EGF: variants seen among roughly 807,000 people sequenced by gnomAD.
The protein encoded by EGF is pro-epidermal growth factor.
EGF carries 95 observed loss-of-function variants against 143.8 expected under a neutral mutation model. The ratio of observed to expected loss-of-function variants is 0.66; its 90% CI spans 0.56 to 0.78. The LOEUF (loss-of-function observed/expected upper bound fraction) is 0.78. Ranked by LOEUF, EGF falls within the 30% of genes least tolerant of loss-of-function variation. EGF has a pLI of 0.00. For missense variants in EGF, 1,320 were observed against 1,470.9 expected (o/e 0.90, Z 1.68); for synonymous variants, 510 against 510.5 (o/e 1.00, Z 0.01).
At chr4:109,928,700 A>G (rs561774415) in intron 1 of EGF, among the ~76,000 whole-genome samples, 1 of 152,090 alleles carries the variant, frequency 6.6e-6, no homozygotes, top group South Asian at 2.1e-4. Flanking sequence ...AGGGTCTGCT[A>G]TTTGTCGTGT....
intron 1 of EGF, among the ~76,000 whole-genome samples, chr4:109,935,994 G>T (rs2125988497): frequency 6.6e-6 from 1 of 152,204 alleles, no homozygotes; most frequent in South Asian, 2.1e-4. Context: ...AGGGATATTG[G>T]CCTAAAATTC....
At chr4:109,965,944 A>C (rs1038143490) in intron 10 of EGF, among the ~76,000 whole-genome samples, 1 of 152,112 alleles carries the variant, frequency 6.6e-6, no homozygotes. Flanking sequence ...GAATAGTCTC[A>C]TTATTGATTG....
At chr4:109,938,690 A>T (rs1461562760) in intron 1 of EGF, among the ~76,000 whole-genome samples, 1 of 152,176 alleles carries the variant, frequency 6.6e-6, no homozygotes, top group South Asian at 2.1e-4. Context: ...TGACCTACGG[A>T]TGGGGTTTTG....
chr4:109,993,081 G>T lies in EGF; in HGVS notation c.2735-166G>T, dbSNP rs568197972. ...CTGCACCTTGTGCATGTGAACCCTA[G>T]AACTTTAAGTATAATAAAAAATATA... is the stretch of plus-strand genomic sequence containing the variant. On this transcript the variant is annotated intron_variant, in intron 18 of 23. Transcript: ENST00000265171. Among the ~76,000 whole-genome samples the T allele has an allele frequency of 9.7e-4, 148 of 152,076 alleles. 1 individual carries two copies. Among genetic ancestry groups the T allele is most frequent in the Non-Finnish European group, 1.8e-3 (124 of 67,992 alleles).
intron 1 of EGF, among the ~76,000 whole-genome samples, chr4:109,937,195 G>A (rs1740979880): frequency 6.6e-6 from 1 of 152,072 alleles, no homozygotes; most frequent in South Asian, 2.1e-4. Context: ...CTAAGAACTT[G>A]CTTTATGAAT....
rs780166532 is a variant in EGF, at chr4:109,988,623, CT to C, written c.2649del (p.Ala884ProfsTer66). The C allele has an allele frequency of 1.9e-6, 3 of 1,614,106 alleles. No individual in the cohort carries two copies. The highest frequency in any genetic ancestry group is 1.1e-5 in the South Asian group (1 of 91,088). ...ECEMGVPVCP[P>X]ASSKCINTEG... ...GAGATGGGTGTCCCAGTGTGCCCCC[CT>C]GCCTCCTCCAAGTGCATCAACACCG... On this transcript the variant is annotated frameshift_variant, in exon 18 of 24. Transcript: ENST00000265171. LOFTEE classifies it high-confidence loss of function.
intron 1 of EGF, among the ~76,000 whole-genome samples, chr4:109,916,907 T>G (rs1408055364): frequency 6.6e-6 from 1 of 152,156 alleles, no homozygotes; most frequent in Admixed American, 6.6e-5. Context: ...TCAAAATAAT[T>G]TAAAAATACA....
intron 16 of EGF, among the ~76,000 whole-genome samples, chr4:109,985,070 T>C (rs1749939393): frequency 6.6e-6 from 1 of 152,176 alleles, no homozygotes; most frequent in Non-Finnish European, 1.5e-5. Flanking sequence ...AGAGCATATT[T>C]TGAAAGACTA....
chr4:109,953,552 G>C (rs1276889082), intron 5 of EGF, among the ~76,000 whole-genome samples: 8 of 152,136 alleles, frequency 5.3e-5, no homozygotes, highest in Non-Finnish European at 1.2e-4. Context: ...TAACCTTCCA[G>C]TATCCTCCAA....
intron 20 of EGF, among the ~76,000 whole-genome samples, chr4:109,997,697 G>A (rs936095893): frequency 5.9e-5 from 9 of 151,998 alleles, no homozygotes; most frequent in African/African-American, 1.2e-4. Context: ...TGATCCGCCC[G>A]CCTGGGCCTC....
chr4:109,995,038 T>C (rs570204300), intron 20 of EGF, among the ~76,000 whole-genome samples, 158 bp downstream of exon 20: 10 of 152,328 alleles, frequency 6.6e-5, no homozygotes, highest in East Asian at 5.8e-4. Flanking sequence ...GTGCACTTCA[T>C]TGCATGCTCC....
At chr4:110,001,510 G>T in intron 21 of EGF, 1 of 518,938 alleles carries the variant, frequency 1.9e-6, no homozygotes, top group Non-Finnish European at 2.5e-6. Flanking sequence ...TCATCCCATT[G>T]GATCATTGCC....
intron 21 of EGF, chr4:110,004,247 C>A (rs1378496548): frequency 2.0e-6 from 1 of 491,164 alleles, no homozygotes; most frequent in Non-Finnish European, 3.7e-6. Context: ...CACACACACA[C>A]ACACAAACAC....
intron 4 of EGF, 88 bp from the exon 5 acceptor site, chr4:109,944,983 CTT>C (rs1244921339): frequency 7.1e-7 from 1 of 1,404,130 alleles, no homozygotes; most frequent in African/African-American, 1.4e-5. Flanking sequence ...GTGGTTAAAA[CTT>C]AGACAATAAA....
At chr4:109,954,054 T>C (rs148867724) in intron 5 of EGF, among the ~76,000 whole-genome samples, 40 of 152,306 alleles carry the variant, frequency 2.6e-4, no homozygotes, top group Non-Finnish European at 5.3e-4. Context: ...ATTTTATTTA[T>C]TTATTTATTT....
chr4:109,919,522 C>G (rs938833436), intron 1 of EGF, among the ~76,000 whole-genome samples: 2 of 152,114 alleles, frequency 1.3e-5, no homozygotes, highest in Non-Finnish European at 1.5e-5. Context: ...CAGGTCTGGT[C>G]ATGGCCAGTG....
chr4:110,013,499 C>A lies in EGF; in HGVS notation c.*2044C>A, dbSNP rs571544558. Among the ~76,000 whole-genome samples, 1 of 152,216 alleles carries A rather than the reference C, an allele frequency of 6.6e-6. No individual in the cohort carries two copies. The highest frequency in any genetic ancestry group is 2.4e-5 in the African/African-American group (1 of 41,540). On this transcript the variant is annotated 3_prime_UTR_variant, in exon 24 of 24. Coordinates refer to ENST00000265171, the MANE Select transcript of EGF (RefSeq NM_001963.6). The stretch of plus-strand genomic sequence containing the variant: ...TTTGTGTTTTTTAATCACCAAGGCA[C>A]CCTGCAGAGATATCTTCTTCTTGCA...
At chr4:109,975,278 T>A (rs1385100732) in intron 12 of EGF, among the ~76,000 whole-genome samples, 1 of 152,184 alleles carries the variant, frequency 6.6e-6, no homozygotes, top group African/African-American at 2.4e-5. Context: ...GATTAGAGAT[T>A]TAAGGACAAT....
rs757558964 is a variant in EGF at position 109,959,454 on chromosome 4, C to T, written c.1066+17C>T. 6.2e-6 allele frequency: 10 copies of T among 1,613,516 alleles called. No homozygotes were observed. Among genetic ancestry groups the T allele is most frequent in the Middle Eastern group, 1.6e-4 (1 of 6,066 alleles). Reference sequence around the variant, plus strand: ...ACTGTGAAGGTAATGACTGGAAGTACTGTGAAGGTAATGGAAGAGTCGCTG... The same window carrying T: ...ACTGTGAAGGTAATGACTGGAAGTATTGTGAAGGTAATGGAAGAGTCGCTG... On this transcript the variant is annotated intron_variant, in intron 6 of 23. Transcript: ENST00000265171.
Sources: gnomAD v4.1 joint callset for allele counts (sites outside exome capture counted in the v4.1 genomes callset) on GRCh38, gnomAD v4.1.1 for gene constraint, MANE v1.5 for transcripts, NCBI Gene and HGNC (gene_info 2026-07-23, HGNC 2026-07-21) for gene names.